The following DSCAM variants were observed in gnomAD, a reference collection of about 807,000 sequenced individuals.
The protein encoded by DSCAM is DS cell adhesion molecule.
DSCAM carries 47 observed loss-of-function variants against 217.7 expected under a neutral mutation model. The observed-to-expected ratio is 0.22, with a 90% CI of 0.17 to 0.28. DSCAM has a LOEUF of 0.28. Ranked by LOEUF, DSCAM falls within the 10% of genes least tolerant of loss-of-function variation. The pLI, the probability that DSCAM is intolerant of heterozygous loss-of-function variation, is 1.00. For synonymous variants in DSCAM, 1,056 were observed against 1,015.3 expected, an observed-to-expected ratio of 1.04 and a Z score of -0.76; for missense variants, 2,080 against 2,618.3, an observed-to-expected ratio of 0.79 and a Z score of 4.49.
At chr21:40,819,414 C>T (rs1190647593) in intron 1 of DSCAM, among the ~76,000 whole-genome samples, 1 of 144,178 alleles carries the variant, frequency 6.9e-6, no homozygotes, top group Non-Finnish European at 1.5e-5. Flanking sequence ...TGGATTTTCA[C>T]CCTATAAGAT....
chr21:40,211,556 AT>A (rs577072891), intron 11 of DSCAM, among the ~76,000 whole-genome samples: 1 of 152,188 alleles, frequency 6.6e-6, no homozygotes, highest in Non-Finnish European at 1.5e-5. Context: ...TGGCGTTATA[AT>A]TTTTAAAAAA....
In DSCAM at chr21:40,188,000, CA is replaced by C; in HGVS notation, c.2554-14del. ...CAGTTGGCAAAATCTATGTGTAAAG[CA>C]GAAAGAAATTCATCTTTTTCAGTAG... On this transcript the variant is annotated splice_polypyrimidine_tract_variant and intron_variant, in intron 12 of 32. Transcript: ENST00000400454. 6.2e-7 allele frequency: 1 copy of C among 1,603,090 alleles called. No individual in the cohort carries two copies. The highest frequency in any genetic ancestry group is 8.5e-7 in the Non-Finnish European group (1 of 1,172,832).
chr21:40,648,268 C>CACAT (rs1472463596), intron 3 of DSCAM, among the ~76,000 whole-genome samples: 2 of 149,066 alleles, frequency 1.3e-5, no homozygotes, highest in Non-Finnish European at 1.5e-5. Context: ...CACACACACA[C>CACAT]ACACACACAC....
At chr21:40,628,308 T>C (rs1005191981) in intron 3 of DSCAM, among the ~76,000 whole-genome samples, 1 of 152,190 alleles carries the variant, frequency 6.6e-6, no homozygotes, top group Non-Finnish European at 1.5e-5. Flanking sequence ...ACTTACCAGA[T>C]GAGAGAACTT....
chr21:40,042,426 T>C lies in DSCAM; in HGVS notation c.5631A>G (p.Lys1877=), dbSNP rs202154159. Residue 1877 remains lysine (K), a synonymous_variant, in exon 32 of 33, where the codon AAA becomes AAG. Transcript: ENST00000400454. ...TCATTACTCTTCCTCCATCCTGAGGTTTGGGGGGAGATGCAGTGAACCTGC... is the reference window on the plus strand; with the variant it reads ...TCATTACTCTTCCTCCATCCTGAGGCTTGGGGGGAGATGCAGTGAACCTGC... ...GICRFTASPP[K]PQDGGRVMNM... 3.1e-6 allele frequency: 5 copies of C among 1,614,098 alleles called. No homozygotes were observed. Among genetic ancestry groups the C allele is most frequent in the Non-Finnish European group, 3.4e-6 (4 of 1,180,014 alleles).
At chr21:40,408,172 T>C (rs1000248105) in intron 3 of DSCAM, among the ~76,000 whole-genome samples, 1 of 151,902 alleles carries the variant, frequency 6.6e-6, no homozygotes, top group Non-Finnish European at 1.5e-5. Flanking sequence ...ACAAAGAATA[T>C]ATTAAATAAA....
chr21:40,187,015 G>A, intron 14 of DSCAM, 116 bp downstream of exon 14: 4 of 1,285,016 alleles, frequency 3.1e-6, no homozygotes, highest in African/African-American at 1.5e-5. Context: ...GGGAAGTGGT[G>A]CCCTCTGAGC....
At chr21:40,678,740 T>C (rs530650715) in intron 3 of DSCAM, among the ~76,000 whole-genome samples, 1 of 152,182 alleles carries the variant, frequency 6.6e-6, no homozygotes, top group East Asian at 1.9e-4. Context: ...AAGCTATCCA[T>C]GGCAGGTTGA....
chr21:40,399,286 CA>C (rs912782525), intron 3 of DSCAM, among the ~76,000 whole-genome samples: 28 of 150,108 alleles, frequency 1.9e-4, no homozygotes, highest in Non-Finnish European at 1.3e-4. Context: ...CAAAACAAAA[CA>C]AAACAAAACA....
At chr21:40,276,016 G>A in intron 11 of DSCAM, 81 bp downstream of exon 11, 2 of 1,406,860 alleles carry the variant, frequency 1.4e-6, no homozygotes, top group South Asian at 3.2e-5. Context: ...AAACAGGTAT[G>A]TATGGAGACA....
chr21:40,128,359 C>T (rs1442576814), intron 19 of DSCAM, among the ~76,000 whole-genome samples: 1 of 151,680 alleles, frequency 6.6e-6, no homozygotes, highest in Non-Finnish European at 1.5e-5. Flanking sequence ...GATTCCTTCC[C>T]CTTGAATGGG....
intron 1 of DSCAM, among the ~76,000 whole-genome samples, chr21:40,767,010 TTC>T (rs1205618430): frequency 6.6e-6 from 1 of 152,106 alleles, no homozygotes; most frequent in Non-Finnish European, 1.5e-5. Flanking sequence ...AATTTCATGG[TTC>T]TTTGTTTTAA....
intron 3 of DSCAM, among the ~76,000 whole-genome samples, chr21:40,509,384 T>C (rs1480188963): frequency 6.6e-6 from 1 of 152,216 alleles, no homozygotes; most frequent in Non-Finnish European, 1.5e-5. Flanking sequence ...ACCCTTTTCT[T>C]TTACACTGGA....
At chr21:40,296,919 G>A (rs557055830) in intron 9 of DSCAM, among the ~76,000 whole-genome samples, 2 of 151,026 alleles carry the variant, frequency 1.3e-5, no homozygotes, top group South Asian at 4.2e-4. Context: ...CATCTTGGAT[G>A]TGAACTGGTC....
At chr21:40,077,992 C>T (rs562094011) in intron 26 of DSCAM, among the ~76,000 whole-genome samples, 3 of 152,354 alleles carry the variant, frequency 2.0e-5, no homozygotes, top group Non-Finnish European at 4.4e-5. Flanking sequence ...CGAGGACTCG[C>T]TCCTTTCAGC....
In DSCAM at chr21:40,144,089, T is replaced by G. The variant is rs1015322626; in HGVS notation, c.3259+402A>C. On this transcript the variant is annotated intron_variant, in intron 17 of 32. Coordinates refer to ENST00000400454, the MANE Select transcript of DSCAM (RefSeq NM_001389.5). This position sits in a 1 kb window ranked among gnomAD's most constrained non-coding sequence, Gnocchi z 4.8. Reference sequence around the variant, plus strand: ...TCTCTGTACTCAGAATGCTTGAAAATAGGAAACAATGAAAAATAAAATAAA... The same window carrying G: ...TCTCTGTACTCAGAATGCTTGAAAAGAGGAAACAATGAAAAATAAAATAAA... Among the ~76,000 whole-genome samples the G allele has an allele frequency of 2.2e-5, 3 of 133,994 alleles. No homozygotes were observed. Among genetic ancestry groups the G allele is most frequent in the Non-Finnish European group, 5.1e-5 (3 of 58,418 alleles). The allele number at this position is 133,994 out of a possible 152,430, so 87.9% of individuals were successfully genotyped here.
At position 40,476,591 on chromosome 21, in the gene DSCAM, C is replaced by T. The variant is rs150792318; in HGVS notation, c.509-107346G>A. Among the ~76,000 whole-genome samples the T allele has an allele frequency of 3.3e-4, 50 of 152,208 alleles. No homozygotes were observed. In the East Asian group the frequency reaches 4.6e-3, roughly 14 times the overall value. ...TGGTCTTAACTAAACAATGAGCTTT[C>T]GAATGTGCTTAAGGTGAGGACAGAA... On this transcript the variant is annotated intron_variant, in intron 3 of 32. Coordinates refer to ENST00000400454, the MANE Select transcript of DSCAM (RefSeq NM_001389.5).
intron 9 of DSCAM, among the ~76,000 whole-genome samples, chr21:40,296,699 C>T (rs543481140): frequency 1.8e-4 from 27 of 151,900 alleles, no homozygotes; most frequent in Admixed American, 2.6e-4. Flanking sequence ...GGTGTGGTGG[C>T]GCATGCCTGT....
intron 3 of DSCAM, among the ~76,000 whole-genome samples, chr21:40,479,535 A>C (rs1024252586): frequency 6.6e-6 from 1 of 152,210 alleles, no homozygotes; most frequent in Non-Finnish European, 1.5e-5. Flanking sequence ...GGCAGAAGGC[A>C]AAGGAGGAGC....
Sources: allele counts gnomAD v4.1 joint callset (sites outside exome capture counted in the v4.1 genomes callset), GRCh38; gene constraint gnomAD v4.1.1; non-coding constraint Gnocchi (gnomAD v3.1); transcripts MANE v1.5; gene names NCBI Gene and HGNC (gene_info 2026-07-23, HGNC 2026-07-21).